AQR: variants seen among roughly 807,000 people sequenced by gnomAD.
AQR encodes the protein RNA helicase aquarius.
Under a neutral mutation model 180.5 loss-of-function variants are expected in AQR, and 61 were observed. The observed-to-expected ratio is 0.34, with a 90% confidence interval of 0.28 to 0.42. The LOEUF is 0.42. Among genes scored for constraint, AQR ranks in the 10% least tolerant of loss-of-function variants. The pLI, the probability that AQR is intolerant of heterozygous loss-of-function variation, is 1.00. For missense variants in AQR, 1,281 were observed against 1,798.3 expected (o/e 0.71, Z 5.20); for synonymous variants, 551 against 588.8 (o/e 0.94, Z 0.93).
intron 15 of AQR, among the ~76,000 whole-genome samples, chr15:34,917,862 T>C (rs549338936): frequency 8.4e-4 from 125 of 148,330 alleles, no homozygotes; most frequent in Admixed American, 1.5e-3. Flanking sequence ...TGCACGCCTG[T>C]GGTCCCAGGT....
chr15:34,949,368 T>A (rs899304988), intron 4 of AQR, among the ~76,000 whole-genome samples: 1 of 150,722 alleles, frequency 6.6e-6, no homozygotes, highest in Non-Finnish European at 1.5e-5. Context: ...CCCAGCACTT[T>A]GGGAGGCCGA....
At chr15:34,866,379 G>T (rs981140880) in intron 32 of AQR, among the ~76,000 whole-genome samples, 4 of 152,020 alleles carry the variant, frequency 2.6e-5, no homozygotes, top group Non-Finnish European at 5.9e-5. Flanking sequence ...TTGGGATAAA[G>T]GTATTTTTGC....
intron 27 of AQR, among the ~76,000 whole-genome samples, chr15:34,881,080 C>T (rs1023230210): frequency 5.3e-5 from 8 of 152,142 alleles, no homozygotes; most frequent in African/African-American, 1.9e-4. Context: ...AGAACACAGG[C>T]AAAAGCTCCA....
In AQR at chr15:34,856,177, T is replaced by C. The variant is rs756801538; in HGVS notation, c.*615A>G. The C allele has an allele frequency of 8.1e-5, 14 of 173,350 alleles. No individual in the cohort carries two copies. Among genetic ancestry groups the C allele is most frequent in the Non-Finnish European group, 1.2e-4 (10 of 82,488 alleles). The allele number at this position is 173,350 out of a possible 1,614,324, so 10.7% of individuals were successfully genotyped here. On this transcript the variant is annotated 3_prime_UTR_variant, in exon 35 of 35. Transcript: ENST00000156471. ...AATATAGATTCCTAGGCTCTAATCC[T>C]GAGATTCTGACTCATTCAGTCTGAG...
At chr15:34,961,959 AT>A (rs1028353994) in intron 2 of AQR, among the ~76,000 whole-genome samples, 41 of 152,256 alleles carry the variant, frequency 2.7e-4, no homozygotes, top group African/African-American at 9.6e-4. Context: ...GTAAAAAAAA[AT>A]ACTACTGTAA....
intron 5 of AQR, among the ~76,000 whole-genome samples, chr15:34,946,695 G>C (rs1404698018): frequency 7.4e-6 from 1 of 135,584 alleles, no homozygotes; most frequent in Non-Finnish European, 1.6e-5. Context: ...CCGCCCGTCC[G>C]GGAGGGAGGT....
intron 5 of AQR, among the ~76,000 whole-genome samples, chr15:34,946,790 C>T (rs909865530): frequency 6.0e-5 from 9 of 149,364 alleles, no homozygotes; most frequent in African/African-American, 2.2e-4. Context: ...GGCCAGCTGC[C>T]CCGTCCGGGA....
chr15:34,867,366 C>T (rs2140459986), intron 32 of AQR, among the ~76,000 whole-genome samples, 158 bp downstream of exon 32: 1 of 152,174 alleles, frequency 6.6e-6, no homozygotes, highest in Non-Finnish European at 1.5e-5. Context: ...AGAATAGTTA[C>T]AAGGAATTTG....
At chr15:34,950,084 CTTTTTTT>C (rs1174370425) in intron 4 of AQR, among the ~76,000 whole-genome samples, 10 of 74,084 alleles carry the variant, frequency 1.3e-4, no homozygotes, top group East Asian at 4.4e-4. Context: ...TGCTATTTTC[CTTTTTTT>C]TTTTTTTTTT....
chr15:34,927,972 G>A (rs1893790664), intron 12 of AQR, among the ~76,000 whole-genome samples: 1 of 152,152 alleles, frequency 6.6e-6, no homozygotes, highest in Non-Finnish European at 1.5e-5. Context: ...CCTCAACAGG[G>A]CAAATAGCCA....
Position 34,860,264 on chromosome 15 carries a change from G to A in AQR, c.4030-109C>T, listed in dbSNP as rs1025392178. The A allele has an allele frequency of 6.4e-5, 29 of 454,550 alleles. No homozygotes were observed. In the Admixed American group the frequency reaches 8.7e-4, roughly 14 times the overall value. 28.2% of individuals were successfully genotyped at this position (454,550 alleles called of 1,614,324 possible). ...TTATGAATAAGCACAATTAGGGTCT[G>A]GAAGACCTAACAGTAAGAGGACATA... On this transcript the variant is annotated intron_variant, in intron 33 of 34. Coordinates refer to ENST00000156471, the MANE Select transcript of AQR (RefSeq NM_014691.3).
chr15:34,857,965 G>C (rs1472957872), intron 34 of AQR, among the ~76,000 whole-genome samples: 2 of 152,064 alleles, frequency 1.3e-5, no homozygotes, highest in African/African-American at 2.4e-5. Context: ...GCTGGAAATT[G>C]AATGAATGAA....
intron 27 of AQR, among the ~76,000 whole-genome samples, chr15:34,880,289 C>T (rs76655871): frequency 1.1e-4 from 16 of 152,102 alleles, no homozygotes; most frequent in South Asian, 2.1e-4. Flanking sequence ...ATGAAAGATA[C>T]GGGAGGATGT....
chr15:34,938,250 T>C (rs1459326397), intron 9 of AQR, among the ~76,000 whole-genome samples: 1 of 152,040 alleles, frequency 6.6e-6, no homozygotes, highest in Non-Finnish European at 1.5e-5. Context: ...AAATAACCCT[T>C]AGGCCAGGTG....
chr15:34,910,196 T>C lies in AQR; in HGVS notation c.1602A>G (p.Arg534=). 5 of 1,614,238 alleles carry C rather than the reference T, an allele frequency of 3.1e-6. No individual in the cohort carries two copies. The highest frequency in any genetic ancestry group is 4.2e-6 in the Non-Finnish European group (5 of 1,180,038). The change falls in exon 17 of 35, where the codon CGA becomes CGG. Residue 534 remains arginine, a synonymous_variant. Coordinates refer to ENST00000156471, the MANE Select transcript of AQR (RefSeq NM_014691.3). ...GATTTATGGTAACATCTGCACGAAC[T>C]CGGGTTGGCCAGTTTTCACCTATGT... ...KPNIGENWPT[R]VRADVTINLN... is the part of the protein sequence containing the mutation.
chr15:34,940,764 T>G (rs898313182), intron 8 of AQR, 135 bp downstream of exon 8: 1 of 699,850 alleles, frequency 1.4e-6, no homozygotes, highest in Non-Finnish European at 2.5e-6. Flanking sequence ...AATGACAGTC[T>G]AGGTAAAAGC....
chr15:34,895,844 A>G (rs1429174024), intron 22 of AQR, among the ~76,000 whole-genome samples: 1 of 151,946 alleles, frequency 6.6e-6, no homozygotes, highest in African/African-American at 2.4e-5. Context: ...AATAACATCA[A>G]CAAAATGGAT....
At chr15:34,895,650 A>C (rs961925486) in intron 22 of AQR, among the ~76,000 whole-genome samples, 9 of 152,176 alleles carry the variant, frequency 5.9e-5, no homozygotes, top group Non-Finnish European at 1.3e-4. Flanking sequence ...CACCAAGACA[A>C]CATAACAACC....
At chr15:34,875,645 C>CA (rs1473879053) in intron 28 of AQR, among the ~76,000 whole-genome samples, 2 of 152,038 alleles carry the variant, frequency 1.3e-5, no homozygotes, top group Non-Finnish European at 2.9e-5. Flanking sequence ...ATCTTCCCAC[C>CA]AAACTGCACA....
Sources: gnomAD v4.1 joint callset for allele counts (sites outside exome capture counted in the v4.1 genomes callset) on GRCh38, gnomAD v4.1.1 for gene constraint, MANE v1.5 for transcripts, NCBI Gene and HGNC (gene_info 2026-07-23, HGNC 2026-07-21) for gene names.